The following ANK3 variants were observed in gnomAD, a reference collection of about 807,000 sequenced individuals.
ANK3 encodes the protein ankyrin-3.
ANK3 carries 57 observed loss-of-function variants against 370.9 expected under a neutral mutation model. That is an observed-to-expected ratio of 0.15 (90% CI 0.12 to 0.19). The LOEUF is 0.19. Ranked by LOEUF, ANK3 falls within the 10% of genes least tolerant of loss-of-function variation. ANK3 has a pLI of 1.00. For missense variants in ANK3, 4,439 were observed against 5,302.1 expected (o/e 0.84, Z 5.06); for synonymous variants, 1,929 against 1,946.3 (o/e 0.99, Z 0.23).
Position 60,173,160 on chromosome 10 carries a change from G to A in ANK3, c.2211C>T (p.Gly737=). The A allele has an allele frequency of 6.2e-7, 1 of 1,613,842 alleles. No homozygotes were observed. The highest frequency in any genetic ancestry group is 8.5e-7 in the Non-Finnish European group (1 of 1,179,834). The stretch of plus-strand genomic sequence containing the variant: ...CAATCTTGATATTTCCATAGTGGCA[G>A]CCCACATGCAGTGGTGTGTATCCCA... ...TKMGYTPLHV[G]CHYGNIKIVN... Residue 737 remains glycine, a synonymous_variant, in exon 19 of 44, where the codon GGC becomes GGT. Transcript: ENST00000280772.
chr10:60,636,130 C>A (rs1190309709), intron 1 of ANK3, among the ~76,000 whole-genome samples: 1 of 151,998 alleles, frequency 6.6e-6, no homozygotes, highest in Admixed American at 6.6e-5. Context: ...CTTTGGCAAG[C>A]TGGAAATTTA....
intron 2 of ANK3, among the ~76,000 whole-genome samples, chr10:60,419,015 A>T (rs778910670): frequency 5.1e-4 from 78 of 152,298 alleles, no homozygotes; most frequent in Non-Finnish European, 7.1e-4. Flanking sequence ...TTTTGATTTC[A>T]AAAACAAAGT....
At chr10:60,647,712 G>A (rs2078727298) in intron 1 of ANK3, among the ~76,000 whole-genome samples, 1 of 152,090 alleles carries the variant, frequency 6.6e-6, no homozygotes, top group Non-Finnish European at 1.5e-5. Context: ...GATATCAGTT[G>A]CACAAGGAAC....
At chr10:60,705,841 T>C (rs931902389) in intron 1 of ANK3, among the ~76,000 whole-genome samples, 14 of 149,140 alleles carry the variant, frequency 9.4e-5, no homozygotes, top group Admixed American at 8.0e-4. Context: ...TTTTTTTTTT[T>C]TTGAGACAAA....
chr10:60,288,539 G>T (rs1004435734), intron 1 of ANK3, among the ~76,000 whole-genome samples: 4 of 152,062 alleles, frequency 2.6e-5, no homozygotes, highest in African/African-American at 9.7e-5. Flanking sequence ...CAGGGGATTT[G>T]GTCAGTGGAG....
intron 1 of ANK3, among the ~76,000 whole-genome samples, chr10:60,631,347 T>C (rs1588945506): frequency 6.6e-6 from 1 of 151,876 alleles, no homozygotes; most frequent in African/African-American, 2.4e-5. Context: ...GCCAACCAAG[T>C]AAAACCCCAT....
intron 1 of ANK3, among the ~76,000 whole-genome samples, chr10:60,327,863 CT>C (rs761161688): frequency 4.6e-5 from 7 of 152,138 alleles, no homozygotes; most frequent in Non-Finnish European, 8.8e-5. Flanking sequence ...TTAAAGCACT[CT>C]TCAGGCAACT....
chr10:60,372,264 G>C (rs937338931), intron 1 of ANK3, among the ~76,000 whole-genome samples: 9 of 152,272 alleles, frequency 5.9e-5, no homozygotes, highest in African/African-American at 2.2e-4. Flanking sequence ...TGTGACTTTG[G>C]CCCCTTTTAC....
intron 1 of ANK3, among the ~76,000 whole-genome samples, chr10:60,334,701 A>G (rs1159522826): frequency 1.3e-5 from 2 of 152,200 alleles, no homozygotes; most frequent in African/African-American, 2.4e-5. Flanking sequence ...AGCTAAAAAA[A>G]TGGGAAATGT....
intron 24 of ANK3, among the ~76,000 whole-genome samples, chr10:60,136,126 C>T (rs1031992072): frequency 1.6e-4 from 25 of 151,748 alleles, no homozygotes; most frequent in African/African-American, 5.3e-4. Context: ...CCCTTCTTTC[C>T]GCCATTCCTG....
chr10:60,283,358 G>C (rs1346722845), intron 1 of ANK3, among the ~76,000 whole-genome samples: 1 of 151,898 alleles, frequency 6.6e-6, no homozygotes, highest in Non-Finnish European at 1.5e-5. Flanking sequence ...TGATAACCTT[G>C]TATCAAAATA....
chr10:60,174,931 G>A (rs1373300214), intron 18 of ANK3, among the ~76,000 whole-genome samples: 1 of 152,020 alleles, frequency 6.6e-6, no homozygotes, highest in African/African-American at 2.4e-5. Flanking sequence ...TGTTGCCTAG[G>A]CTGGTCTCAA....
chr10:60,157,979 T>C (rs919609781), intron 23 of ANK3, among the ~76,000 whole-genome samples: 2 of 147,930 alleles, frequency 1.4e-5, no homozygotes, highest in African/African-American at 5.0e-5. Flanking sequence ...CTCAAAGAAA[T>C]AATAATAGGG....
At chr10:60,262,960 T>C (rs150137256) in intron 6 of ANK3, among the ~76,000 whole-genome samples, 1 of 152,278 alleles carries the variant, frequency 6.6e-6, no homozygotes, top group African/African-American at 2.4e-5. Context: ...TGCTATCTTA[T>C]CTGGCACATG....
chr10:60,090,225 G>A (rs2087905459), intron 28 of ANK3, among the ~76,000 whole-genome samples: 1 of 152,036 alleles, frequency 6.6e-6, no homozygotes, highest in Non-Finnish European at 1.5e-5. Flanking sequence ...TGCTGAGACA[G>A]GAGAATTACT....
intron 1 of ANK3, among the ~76,000 whole-genome samples, chr10:60,289,516 G>A (rs1377382769): frequency 6.6e-6 from 1 of 151,696 alleles, no homozygotes; most frequent in Non-Finnish European, 1.5e-5. Context: ...AGGCTCAGGT[G>A]ATCCTCCCAC....
At chr10:60,105,680 T>C (rs1173709426) in intron 28 of ANK3, among the ~76,000 whole-genome samples, 1 of 152,224 alleles carries the variant, frequency 6.6e-6, no homozygotes, top group African/African-American at 2.4e-5. Flanking sequence ...TGATTAAAGA[T>C]GGAATCATCA....
intron 2 of ANK3, among the ~76,000 whole-genome samples, chr10:60,436,102 T>TA: frequency 7.3e-6 from 1 of 136,872 alleles, no homozygotes; most frequent in Admixed American, 7.7e-5. Context: ...AAAAAATAAA[T>TA]AAATAAATAA....
At chr10:60,419,930 T>C (rs1196449300) in intron 2 of ANK3, among the ~76,000 whole-genome samples, 1 of 152,140 alleles carries the variant, frequency 6.6e-6, no homozygotes, top group African/African-American at 2.4e-5. Context: ...CTAGCAGTCA[T>C]TACCTTTGTT....
Sources: allele counts gnomAD v4.1 joint callset (sites outside exome capture counted in the v4.1 genomes callset), GRCh38; gene constraint gnomAD v4.1.1; transcripts MANE v1.5; gene names NCBI Gene and HGNC (gene_info 2026-07-23, HGNC 2026-07-21).